The following ERBB4 variants were observed in gnomAD, a reference collection of about 807,000 sequenced individuals.
The protein encoded by ERBB4 is erb-b2 receptor tyrosine kinase 4.
In ERBB4, 42 loss-of-function variants were observed where a neutral mutation model predicts 158.0. The ratio of observed to expected loss-of-function variants is 0.27; its 90% CI spans 0.21 to 0.34. The LOEUF is 0.34. ERBB4 is among the 10% of genes least tolerant of loss of function. The pLI is 1.00. For missense variants in ERBB4, 1,333 were observed against 1,624.1 expected (o/e 0.82, Z 3.08); for synonymous variants, 583 against 558.7 (o/e 1.04, Z -0.61).
chr2:211,838,919 A>G (rs189472137), intron 3 of ERBB4, among the ~76,000 whole-genome samples: 34 of 152,196 alleles, frequency 2.2e-4, no homozygotes, highest in Non-Finnish European at 4.0e-4. Context: ...TTTTCTAAGC[A>G]TCCTACTGTG....
At chr2:211,889,165 G>C (rs2078893783) in intron 3 of ERBB4, among the ~76,000 whole-genome samples, 1 of 143,776 alleles carries the variant, frequency 7.0e-6, no homozygotes, top group Non-Finnish European at 1.5e-5. Context: ...CAGCTTTGAA[G>C]AGAGCAGTGG....
intron 3 of ERBB4, among the ~76,000 whole-genome samples, chr2:211,935,323 G>A (rs572302192): frequency 6.6e-6 from 1 of 152,240 alleles, no homozygotes; most frequent in South Asian, 2.1e-4. Flanking sequence ...CAGAGGAGAT[G>A]AGTTTGTGAG....
intron 4 of ERBB4, among the ~76,000 whole-genome samples, chr2:211,781,477 AG>A (rs1296896747): frequency 6.6e-6 from 1 of 152,172 alleles, no homozygotes; most frequent in Non-Finnish European, 1.5e-5. Flanking sequence ...TCAAAGAAAA[AG>A]GTTGTAGGGA....
intron 20 of ERBB4, among the ~76,000 whole-genome samples, chr2:211,463,267 G>T (rs1295166685): frequency 6.6e-6 from 1 of 152,098 alleles, no homozygotes; most frequent in Non-Finnish European, 1.5e-5. Context: ...AAGGATTCCT[G>T]GCTCAAATTC....
intron 1 of ERBB4, among the ~76,000 whole-genome samples, chr2:212,130,564 A>T (rs953812797): frequency 6.6e-5 from 10 of 152,106 alleles, no homozygotes; most frequent in Non-Finnish European, 1.3e-4. Flanking sequence ...CTAAAAATTA[A>T]TTATCGCCTC....
At chr2:211,677,731 G>A (rs560623845) in intron 13 of ERBB4, among the ~76,000 whole-genome samples, 10 of 151,086 alleles carry the variant, frequency 6.6e-5, no homozygotes, top group Admixed American at 2.0e-4. Flanking sequence ...AAAATTAGCC[G>A]GGCGTGGTGG....
In ERBB4 at chr2:212,015,028, T is replaced by TAAA. The variant is rs71397157; in HGVS notation, c.235-67415_235-67413dup. Among the ~76,000 whole-genome samples, 6 of 4,526 alleles carry TAAA rather than the reference T, an allele frequency of 1.3e-3. 1 individual carries two copies. Among genetic ancestry groups the TAAA allele is most frequent in the Non-Finnish European group, 0.011 (3 of 282 alleles). The allele number at this position is 4,526 out of a possible 152,430, so 3.0% of individuals were successfully genotyped here. On this transcript the variant is annotated intron_variant, in intron 2 of 27. Coordinates refer to ENST00000342788, the MANE Select transcript of ERBB4 (RefSeq NM_005235.3). The stretch of plus-strand genomic sequence containing the variant: ...TAACACGGTGAAACCCCGTCTCTAC[T>TAAA]AAAAAAAAAAAAAATATATATATAT...
intron 5 of ERBB4, among the ~76,000 whole-genome samples, chr2:211,745,715 GAA>G (rs776012647): frequency 2.1e-5 from 2 of 94,470 alleles, no homozygotes; most frequent in Non-Finnish European, 4.9e-5. Flanking sequence ...TCCACCGCCA[GAA>G]AAAAAACAAA....
chr2:212,456,734 GT>G (rs928050142), intron 1 of ERBB4, among the ~76,000 whole-genome samples: 1 of 151,794 alleles, frequency 6.6e-6, no homozygotes. Flanking sequence ...AGCAAGAAAT[GT>G]TTTTTATCAA....
chr2:211,480,458 T>G (rs894653751), intron 20 of ERBB4, among the ~76,000 whole-genome samples: 2 of 152,106 alleles, frequency 1.3e-5, no homozygotes, highest in Admixed American at 6.6e-5. Flanking sequence ...ACTTCCCCCT[T>G]TGCTCCCTCC....
intron 1 of ERBB4, among the ~76,000 whole-genome samples, chr2:212,236,899 A>G (rs983993452): frequency 3.3e-5 from 5 of 151,968 alleles, no homozygotes; most frequent in African/African-American, 9.7e-5. Flanking sequence ...CTATTTTGTT[A>G]ACCTTTTCAA....
chr2:211,467,933 T>A (rs886360602), intron 20 of ERBB4, among the ~76,000 whole-genome samples: 29 of 152,300 alleles, frequency 1.9e-4, no homozygotes, highest in African/African-American at 6.7e-4. Flanking sequence ...ATCTTGTTAT[T>A]TCCTTTTGGA....
chr2:211,689,544 G>C (rs531520772), intron 12 of ERBB4, among the ~76,000 whole-genome samples: 2 of 152,198 alleles, frequency 1.3e-5, no homozygotes, highest in South Asian at 4.1e-4. Flanking sequence ...TTCCCAAAAA[G>C]TAGAATATGA....
intron 2 of ERBB4, among the ~76,000 whole-genome samples, chr2:212,057,568 A>G (rs1294114167): frequency 3.3e-5 from 5 of 152,230 alleles, no homozygotes; most frequent in Non-Finnish European, 7.3e-5. Flanking sequence ...AACAGAAATT[A>G]TAACAAACTG....
intron 2 of ERBB4, among the ~76,000 whole-genome samples, chr2:212,121,612 G>A (rs1321297311): frequency 6.6e-6 from 1 of 152,164 alleles, no homozygotes; most frequent in Non-Finnish European, 1.5e-5. Flanking sequence ...GGATGCTGAT[G>A]TCTCCTAAAT....
chr2:211,902,373 A>T (rs1281056082), intron 3 of ERBB4, among the ~76,000 whole-genome samples: 1 of 152,104 alleles, frequency 6.6e-6, no homozygotes, highest in African/African-American at 2.4e-5. Context: ...TATATTATAG[A>T]TATTAACATC....
intron 4 of ERBB4, chr2:211,778,459 ATCT>A (rs1374697069): frequency 6.6e-6 from 1 of 152,130 alleles, no homozygotes; most frequent in East Asian, 1.9e-4. Context: ...ATTCGTTATA[ATCT>A]TCTTTATGGT....
chr2:212,469,360 C>T (rs542410289), intron 1 of ERBB4, among the ~76,000 whole-genome samples: 2 of 152,218 alleles, frequency 1.3e-5, no homozygotes, highest in East Asian at 1.9e-4. Context: ...TAAGATTAGG[C>T]ACTTAGAACT....
At chr2:212,462,296 G>T (rs1047530734) in intron 1 of ERBB4, among the ~76,000 whole-genome samples, 5 of 152,048 alleles carry the variant, frequency 3.3e-5, no homozygotes, top group African/African-American at 1.2e-4. Context: ...CATAGTAAAA[G>T]AAACAACAAA....
Sources: allele counts gnomAD v4.1 joint callset (sites outside exome capture counted in the v4.1 genomes callset), GRCh38; gene constraint gnomAD v4.1.1; transcripts MANE v1.5; gene names NCBI Gene and HGNC (gene_info 2026-07-23, HGNC 2026-07-21).